The following PTPRT variants were observed in gnomAD, a reference collection of about 807,000 sequenced individuals.
The protein encoded by PTPRT is receptor-type tyrosine-protein phosphatase T.
PTPRT carries 56 observed loss-of-function variants against 176.8 expected under a neutral mutation model. That is an observed-to-expected ratio of 0.32 (90% CI 0.26 to 0.40). The LOEUF (loss-of-function observed/expected upper bound fraction) is 0.40, where lower values mean the gene tolerates loss of function less well. Ranked by LOEUF, PTPRT falls within the 10% of genes least tolerant of loss-of-function variation. PTPRT has a pLI of 1.00. For synonymous variants in PTPRT, 783 were observed against 739.0 expected, an observed-to-expected ratio of 1.06 and a Z score of -0.96; for missense variants, 1,540 against 1,908.2, an observed-to-expected ratio of 0.81 and a Z score of 3.60.
chr20:42,409,533 A>C, intron 9 of PTPRT, among the ~76,000 whole-genome samples: 1 of 150,700 alleles, frequency 6.6e-6, no homozygotes, highest in Admixed American at 6.6e-5. Flanking sequence ...TATTTATACA[A>C]ACTGATATAT....
At chr20:43,131,223 A>C (rs2146380149) in intron 1 of PTPRT, among the ~76,000 whole-genome samples, 1 of 152,234 alleles carries the variant, frequency 6.6e-6, no homozygotes, top group East Asian at 1.9e-4. Context: ...TGGTCCCCAC[A>C]CCACTGTGCT....
chr20:42,755,535 TC>T (rs771722331), intron 6 of PTPRT, among the ~76,000 whole-genome samples: 42 of 151,654 alleles, frequency 2.8e-4, no homozygotes, highest in Non-Finnish European at 5.6e-4. Context: ...AATGAGTACA[TC>T]CATACACTGC....
At chr20:42,972,424 G>A (rs1042429738) in intron 1 of PTPRT, among the ~76,000 whole-genome samples, 5 of 151,614 alleles carry the variant, frequency 3.3e-5, no homozygotes, top group African/African-American at 1.2e-4. Context: ...CACTTAGGGA[G>A]GCCGAGGTGA....
the PTPRT span, among the ~76,000 whole-genome samples, chr20:42,049,883 G>C: frequency 6.6e-6 from 1 of 152,174 alleles, no homozygotes; most frequent in African/African-American, 2.4e-5. Context: ...AAGTTGAGGG[G>C]AGGCAAGAGC....
At chr20:42,696,599 G>A (rs1411380698) in intron 6 of PTPRT, among the ~76,000 whole-genome samples, 1 of 151,930 alleles carries the variant, frequency 6.6e-6, no homozygotes, top group Non-Finnish European at 1.5e-5. Context: ...GGGACTACAG[G>A]CACCTGCTAC....
chr20:42,757,437 G>A (rs2076850956), intron 5 of PTPRT, among the ~76,000 whole-genome samples: 1 of 152,164 alleles, frequency 6.6e-6, no homozygotes, highest in Non-Finnish European at 1.5e-5. Flanking sequence ...CACAGGTAGG[G>A]AGGGGATGGG....
At chr20:42,955,843 G>C (rs1399194481) in intron 1 of PTPRT, among the ~76,000 whole-genome samples, 1 of 144,150 alleles carries the variant, frequency 6.9e-6, no homozygotes, top group Non-Finnish European at 1.5e-5. Context: ...GAGAAGGAGG[G>C]AGGGAGGGAG....
At chr20:42,774,690 C>T (rs1484539348) in intron 4 of PTPRT, among the ~76,000 whole-genome samples, 1 of 152,190 alleles carries the variant, frequency 6.6e-6, no homozygotes, top group Admixed American at 6.5e-5. Flanking sequence ...CAGGGATGCC[C>T]CCACCACTCC....
chr20:42,444,576 T>C (rs1237578077), intron 9 of PTPRT, among the ~76,000 whole-genome samples: 6 of 152,156 alleles, frequency 3.9e-5, no homozygotes, highest in South Asian at 2.1e-4. Flanking sequence ...AACATAGTTA[T>C]AGTAATGAAA....
At chr20:42,288,566 T>C (rs897325053) in intron 12 of PTPRT, among the ~76,000 whole-genome samples, 1 of 152,010 alleles carries the variant, frequency 6.6e-6, no homozygotes, top group African/African-American at 2.4e-5. Flanking sequence ...CATCTTTATG[T>C]CCATGTGTAC....
intron 15 of PTPRT, among the ~76,000 whole-genome samples, chr20:42,233,937 T>C (rs764427903): frequency 1.3e-5 from 2 of 152,150 alleles, no homozygotes; most frequent in African/African-American, 4.8e-5. Context: ...CCATCCTCTG[T>C]CCTTTCACAC....
chr20:42,991,040 T>C (rs1410500851), intron 1 of PTPRT, among the ~76,000 whole-genome samples: 1 of 152,112 alleles, frequency 6.6e-6, no homozygotes, highest in Non-Finnish European at 1.5e-5. Context: ...ATTTCGACCT[T>C]GTGGAGAGAA....
At chr20:43,060,993 A>G (rs1568760265) in intron 1 of PTPRT, among the ~76,000 whole-genome samples, 2 of 152,168 alleles carry the variant, frequency 1.3e-5, no homozygotes. Context: ...TACCTCAATA[A>G]AAAATTTAAA....
intron 1 of PTPRT, among the ~76,000 whole-genome samples, chr20:43,102,284 T>TCTCTCACACACA (rs138696752): frequency 2.8e-5 from 4 of 140,452 alleles, no homozygotes; most frequent in African/African-American, 1.1e-4. Context: ...CACTCACACA[T>TCTCTCACACACA]CACACACACA....
chr20:42,121,512 T>C (rs912406119), intron 19 of PTPRT, among the ~76,000 whole-genome samples: 3 of 152,138 alleles, frequency 2.0e-5, no homozygotes, highest in Admixed American at 6.6e-5. Flanking sequence ...GCATGGTGGT[T>C]ATGCGTACCA....
intron 11 of PTPRT, among the ~76,000 whole-genome samples, chr20:42,335,419 T>C (rs2058026132): frequency 1.4e-5 from 2 of 147,870 alleles, no homozygotes; most frequent in Admixed American, 6.7e-5. Context: ...GCTTCCAACA[T>C]GAAAGAGAGC....
chr20:42,087,240 A>G (rs1055562001), intron 27 of PTPRT, among the ~76,000 whole-genome samples: 3 of 150,768 alleles, frequency 2.0e-5, no homozygotes, highest in African/African-American at 4.9e-5. Flanking sequence ...TATTATTATT[A>G]TTATTTTTGA....
chr20:42,436,931 C>T (rs2059267175), intron 9 of PTPRT, among the ~76,000 whole-genome samples: 1 of 152,286 alleles, frequency 6.6e-6, no homozygotes, highest in East Asian at 1.9e-4. Flanking sequence ...AAAGCTTATA[C>T]ACAACTTAAA....
At chr20:42,862,046 A>T (rs2078671504) in intron 2 of PTPRT, among the ~76,000 whole-genome samples, 1 of 152,204 alleles carries the variant, frequency 6.6e-6, no homozygotes, top group Non-Finnish European at 1.5e-5. Context: ...ACACGCACAC[A>T]CACACACACA....
Sources: gnomAD v4.1 joint callset for allele counts (sites outside exome capture counted in the v4.1 genomes callset) on GRCh38, gnomAD v4.1.1 for gene constraint, MANE v1.5 for transcripts, NCBI Gene and HGNC (gene_info 2026-07-23, HGNC 2026-07-21) for gene names.